The following RPS7 variants were observed in gnomAD, a reference collection of about 807,000 sequenced individuals.
RPS7 encodes small ribosomal subunit protein eS7.
A neutral mutation model predicts 22.1 loss-of-function variants in RPS7; 1 was observed. That is an observed-to-expected ratio of 0.05 (90% CI 0.02 to 0.21). The LOEUF (loss-of-function observed/expected upper bound fraction) is 0.21. RPS7 is among the 10% of genes least tolerant of loss of function. The probability of loss-of-function intolerance (pLI) is 1.00; values close to 1 mark genes in which losing one functional copy is unlikely to be tolerated. For synonymous variants in RPS7, 80 were observed against 92.0 expected, an observed-to-expected ratio of 0.87 and a Z score of 0.74; for missense variants, 137 against 246.4, an observed-to-expected ratio of 0.56 and a Z score of 2.97.
At chr2:3,577,598 C>G (rs1313750677) in intron 4 of RPS7, 112 bp from the exon 5 acceptor site, 1 of 799,210 alleles carries the variant, frequency 1.3e-6, no homozygotes, top group Admixed American at 2.1e-5. Flanking sequence ...CCTTCTCGAA[C>G]TTTGAACTTA....
intron 4 of RPS7, chr2:3,576,974 G>A: frequency 3.0e-6 from 1 of 329,234 alleles, no homozygotes; most frequent in Non-Finnish European, 5.8e-6. Context: ...TTTGAGTTAT[G>A]AAAATGATTT....
chr2:3,579,730 A>G, intron 5 of RPS7: 1 of 295,062 alleles, frequency 3.4e-6, no homozygotes. Flanking sequence ...GGTTTTGGAG[A>G]TGAGCAAGAG....
Position 3,577,951 on chromosome 2 carries a change from G to A in RPS7, c.356+177G>A, listed in dbSNP as rs1357272502. ...AGAATTCTAGATGTAAAACATACAT[G>A]TATTCATGTAGCCATTGTTTGCCTA... On this transcript the variant is annotated intron_variant, in intron 5 of 6. Transcript: ENST00000645674. 9.8e-6 allele frequency: 6 copies of A among 609,652 alleles called. No individual in the cohort carries two copies. In the African/African-American group the frequency reaches 1.1e-4, roughly 11 times the overall value. 37.8% of individuals were successfully genotyped at this position (609,652 alleles called of 1,614,324 possible). A position where few individuals can be genotyped will look rare whatever the true frequency, so the allele number is the denominator to read the frequency against.
chr2:3,579,843 T>A, intron 5 of RPS7: 1 of 555,230 alleles, frequency 1.8e-6, no homozygotes, highest in Non-Finnish European at 3.2e-6. Context: ...GGTCACTCAT[T>A]GCCTTGGTGA....
intron 5 of RPS7, 21 bp downstream of exon 5, chr2:3,577,795 A>G (rs767948960): frequency 1.3e-6 from 2 of 1,519,160 alleles, no homozygotes; most frequent in Admixed American, 1.7e-5. Flanking sequence ...TAGTAGTTTC[A>G]GAAATGTGTG....
intron 2 of RPS7, 21 bp downstream of exon 2, chr2:3,575,705 T>G (rs1558471907): frequency 1.2e-6 from 2 of 1,600,648 alleles, no homozygotes; most frequent in Non-Finnish European, 1.7e-6. Flanking sequence ...TTCCCTGGGG[T>G]CTGGGGTGGG....
chr2:3,578,599 G>C (rs1262880138), intron 5 of RPS7: 1 of 152,080 alleles, frequency 6.6e-6, no homozygotes, highest in Non-Finnish European at 1.5e-5. Context: ...TTATTGTGTC[G>C]AGCTGTGGTA....
intron 2 of RPS7, 35 bp downstream of exon 2, chr2:3,575,719 A>G: frequency 1.3e-6 from 2 of 1,518,628 alleles, no homozygotes; most frequent in Non-Finnish European, 1.8e-6. Context: ...GGGTGGGGGG[A>G]GGCGCCCCGC....
chr2:3,578,248 G>A (rs1184594256), intron 5 of RPS7: 2 of 158,782 alleles, frequency 1.3e-5, no homozygotes, highest in African/African-American at 4.8e-5. Context: ...TGACTTACAG[G>A]TTATCTGGCA....
rs1238368020 is a variant in RPS7, at chr2:3,576,473, GT to G, written c.148-7del. 3 of 1,612,420 alleles carry G rather than the reference GT, an allele frequency of 1.9e-6. No homozygotes were observed. Among genetic ancestry groups the G allele is most frequent in the Non-Finnish European group, 2.5e-6 (3 of 1,178,698 alleles). On this transcript the variant is annotated splice_polypyrimidine_tract_variant and intron_variant, in intron 3 of 6. Transcript: ENST00000645674. ...GAAGCAGTTAACACAGTGGATTTTTGTTTTTTTCTTTAGGAAATTGAAGTTG... is the reference window on the plus strand; with the variant it reads ...GAAGCAGTTAACACAGTGGATTTTTGTTTTTTCTTTAGGAAATTGAAGTTG...
intron 4 of RPS7, 91 bp from the exon 5 acceptor site, chr2:3,577,619 C>T (rs1165288357): frequency 2.1e-6 from 2 of 939,174 alleles, no homozygotes; most frequent in East Asian, 2.4e-5. Flanking sequence ...CCCTGCCATT[C>T]TTCTTGCTTT....
intron 2 of RPS7, 32 bp from the exon 3 acceptor site, chr2:3,575,785 C>T: frequency 6.2e-7 from 1 of 1,606,588 alleles, no homozygotes; most frequent in Non-Finnish European, 8.5e-7. Context: ...GACGCGCGCT[C>T]AGGGTCGGTC....
intron 3 of RPS7, 71 bp from the exon 4 acceptor site, chr2:3,576,416 A>G: frequency 7.3e-7 from 1 of 1,375,496 alleles, no homozygotes; most frequent in Non-Finnish European, 1.0e-6. Flanking sequence ...AGGTCTTCTT[A>G]TCCTCTAATT....
At chr2:3,576,392 C>A in intron 3 of RPS7, 95 bp from the exon 4 acceptor site, 2 of 1,037,934 alleles carry the variant, frequency 1.9e-6, no homozygotes, top group Non-Finnish European at 1.5e-6. Context: ...AGTGCAGCTA[C>A]GGTGTTAGTG....
chr2:3,577,638 T>C lies in RPS7; in HGVS notation c.292-72T>C, dbSNP rs1661312752. On this transcript the variant is annotated intron_variant, in intron 4 of 6. Coordinates refer to ENST00000645674, the MANE Select transcript of RPS7 (RefSeq NM_001011.4). Reference sequence around the variant, plus strand: ...GCCATTCTTCTTGCTTTTAAAGCAGTATGGCAGTTACAGCTTTTTGTCAAT... The same window carrying C: ...GCCATTCTTCTTGCTTTTAAAGCAGCATGGCAGTTACAGCTTTTTGTCAAT... The C allele has an allele frequency of 6.5e-6, 7 of 1,077,242 alleles. No homozygotes were observed. The East Asian group carries it at 1.6e-4, about 25-fold the overall frequency. 66.7% of individuals were successfully genotyped at this position (1,077,242 alleles called of 1,614,324 possible).
chr2:3,576,525 C>T lies in RPS7; in HGVS notation c.186C>T (p.Ile62=). Residue 62 remains isoleucine (I), a synonymous_variant, in exon 4 of 7, where the codon ATC becomes ATT. Coordinates refer to ENST00000645674, the MANE Select transcript of RPS7 (RefSeq NM_001011.4). ...EVGGGRKAII[I]FVPVPQLKSF... ...GTGGTGGTCGGAAAGCTATCATAAT[C>T]TTTGTTCCCGTTCCTCAACTGAAAT... 4 of 1,613,948 alleles carry T rather than the reference C, an allele frequency of 2.5e-6. No homozygotes were observed. The highest frequency in any genetic ancestry group is 3.4e-6 in the Non-Finnish European group (4 of 1,179,842).
At chr2:3,576,773 GC>G in intron 4 of RPS7, 143 bp downstream of exon 4, 1 of 1,099,774 alleles carries the variant, frequency 9.1e-7, no homozygotes. Context: ...CAGGCAGAGC[GC>G]CGTGGCTTAG....
chr2:3,575,935 C>T (rs1428534186), intron 3 of RPS7, 47 bp downstream of exon 3: 1 of 1,387,430 alleles, frequency 7.2e-7, no homozygotes, highest in Admixed American at 1.8e-5. Context: ...GGCGCGTCTC[C>T]CCGCGCAGTG....
At chr2:3,575,940 GCA>G (rs947424601) in intron 3 of RPS7, 52 bp downstream of exon 3, 9 of 1,316,414 alleles carry the variant, frequency 6.8e-6, no homozygotes, top group Non-Finnish European at 9.7e-6. Flanking sequence ...GTCTCCCCGC[GCA>G]GTGCCTGAGA....
Sources: gnomAD v4.1 joint callset for allele counts on GRCh38, gnomAD v4.1.1 for gene constraint, MANE v1.5 for transcripts, NCBI Gene and HGNC (gene_info 2026-07-23, HGNC 2026-07-21) for gene names.